Variants in TTN observed in about 807,000 individuals in gnomAD.
TTN encodes the protein titin, also known as connectin.
A neutral mutation model predicts 3,223.0 loss-of-function variants in TTN; 1,525 were observed. The observed-to-expected ratio is 0.47, with a 90% confidence interval of 0.45 to 0.49. The LOEUF (loss-of-function observed/expected upper bound fraction) is 0.49, where lower values mean the gene tolerates loss of function less well. TTN is among the 20% of genes least tolerant of loss of function. The probability of loss-of-function intolerance (pLI) is 0.00; values close to 1 mark genes in which losing one functional copy is unlikely to be tolerated. For missense variants in TTN, 40,786 were observed against 43,424.0 expected (o/e 0.94, Z 5.40); for synonymous variants, 14,094 against 15,161.0 (o/e 0.93, Z 5.17).
At chr2:178,651,569 T>C in intron 206 of TTN, 33 bp from the exon 207 acceptor site, 2 of 1,611,190 alleles carry the variant, frequency 1.2e-6, no homozygotes, top group South Asian at 1.1e-5. Flanking sequence ...TTTAAGCTCA[T>C]GGTTTCAATG....
In TTN at chr2:178,621,095, A is replaced by AACTT. The variant is rs1373938186; in HGVS notation, c.45616+3_45616+6dup. On this transcript the variant is annotated splice_region_variant and intron_variant, in intron 246 of 362. Transcript: ENST00000589042. ...ACAAAAAACCCTAAAAGCAAGAACA[A>AACTT]ACTTACCAATGACTGTCAAGTGAGC... The AACTT allele has an allele frequency of 6.2e-7, 1 of 1,611,030 alleles. No individual in the cohort carries two copies. The highest frequency in any genetic ancestry group is 1.3e-5 in the African/African-American group (1 of 74,736).
At position 178,568,533 on chromosome 2, in the gene TTN, G is replaced by A; in HGVS notation, c.77599C>T (p.Gln25867Ter). The A allele has an allele frequency of 1.2e-6, 2 of 1,613,376 alleles. No individual in the cohort carries two copies. Among genetic ancestry groups the A allele is most frequent in the Non-Finnish European group, 1.7e-6 (2 of 1,179,554 alleles). ...ACATTGGCAACTGTGATTCCATATT[G>A]TCCACCATCATCCTTATGAGTTTCT... The part of the protein sequence containing the change: ...IKETHKDDGG[Q>*]YGITVANVVG... Residue 25867 changes from glutamine (Q) to a stop codon, truncating the protein, a stop_gained, in exon 326 of 363, where the codon CAA (glutamine) becomes TAA (stop). Coordinates refer to ENST00000589042, the MANE Select transcript of TTN (RefSeq NM_001267550.2). LOFTEE classifies it high-confidence loss of function.
In TTN at chr2:178,663,649, C is replaced by G; in HGVS notation, c.36510G>C (p.Glu12170Asp). ...EKKAPVAPPK[E>D]PEVPPVKVPE... ...TACCTTTAACAGGTGGGACTTCAGG[C>G]TCTTTAGGAGGAGCCACTGGCGCTT... is the stretch of plus-strand genomic sequence containing the variant. Residue 12170 changes from glutamate to aspartate, a missense_variant, in exon 171 of 363, where the codon GAG (glutamate) becomes GAC (aspartate). Coordinates refer to ENST00000589042, the MANE Select transcript of TTN (RefSeq NM_001267550.2). The G allele has an allele frequency of 1.2e-6, 2 of 1,613,690 alleles. No individual in the cohort carries two copies. The highest frequency in any genetic ancestry group is 1.1e-5 in the South Asian group (1 of 91,064).
At position 178,664,864 on chromosome 2, in the gene TTN, G is replaced by A; in HGVS notation, c.36106C>T (p.Pro12036Ser). The A allele has an allele frequency of 6.2e-7, 1 of 1,611,492 alleles. No individual in the cohort carries two copies. The highest frequency in any genetic ancestry group is 1.1e-5 in the South Asian group (1 of 90,892). The change falls in exon 166 of 363, where the codon CCA becomes TCA. Residue 12036 changes from proline (P) to serine (S), a missense_variant. Coordinates refer to ENST00000589042, the MANE Select transcript of TTN (RefSeq NM_001267550.2). ...KTVPSKKREPPSVKVPEALQE... is the reference protein window; with the variant it reads ...KTVPSKKREPSSVKVPEALQE... The stretch of plus-strand genomic sequence containing the variant: ...TGGTGACTTGTACCTTTAACTGATG[G>A]GGGTTCTCTTTTTTTGGAAGGAACT...
chr2:178,613,311 G>T, intron 263 of TTN, 35 bp from the exon 264 acceptor site: 2 of 1,485,350 alleles, frequency 1.3e-6, no homozygotes, highest in South Asian at 1.2e-5. Flanking sequence ...GTATCATCAT[G>T]GTAAGAAGCA....
At chr2:178,642,207 C>T (rs376149387) in intron 219 of TTN, 30 bp downstream of exon 219, 148 of 1,537,672 alleles carry the variant, frequency 9.6e-5, no homozygotes, top group Non-Finnish European at 1.2e-4. Context: ...ATATACTTAA[C>T]GCTGACAGAA....
rs2071653794 is a variant in TTN at position 178,689,073 on chromosome 2, T to C, written c.32075A>G (p.Lys10692Arg). The change falls in exon 125 of 363, where the codon AAG becomes AGG. Residue 10692 changes from lysine (K) to arginine (R), a missense_variant. Coordinates refer to ENST00000589042, the MANE Select transcript of TTN (RefSeq NM_001267550.2). ...EKVAVPVPVA[K>R]KAPPPRAEVS... is the part of the protein sequence containing the mutation. Reference sequence around the variant, plus strand: ...CCTACCTCGGGGAGGAGGAGCTTTCTTAGCGACAGGAACTGGCACTGCAAC... The same window carrying C: ...CCTACCTCGGGGAGGAGGAGCTTTCCTAGCGACAGGAACTGGCACTGCAAC... 1 of 1,612,748 alleles carries C rather than the reference T, an allele frequency of 6.2e-7. No individual in the cohort carries two copies. The highest frequency in any genetic ancestry group is 1.3e-5 in the African/African-American group (1 of 74,582).
chr2:178,581,479 CTCCCCCTGG>C lies in TTN; in HGVS notation c.66769+11_66769+19del. 1 of 1,559,578 alleles carries C rather than the reference CTCCCCCTGG, an allele frequency of 6.4e-7. No homozygotes were observed. On this transcript the variant is annotated intron_variant, in intron 316 of 362. Coordinates refer to ENST00000589042, the MANE Select transcript of TTN (RefSeq NM_001267550.2). Reference sequence around the variant, plus strand: ...TGATTAATAGGAAAAGCCTTATGTACTCCCCCTGGTAATACTTACTTAAGATGTCCTTGG... The same window carrying C: ...TGATTAATAGGAAAAGCCTTATGTACTAATACTTACTTAAGATGTCCTTGG...
At position 178,756,225 on chromosome 2, in the gene TTN, C is replaced by T; in HGVS notation, c.11251G>A (p.Gly3751Ser). The change falls in exon 46 of 363, where the codon GGT becomes AGT. Residue 3751 changes from glycine to serine, a missense_variant. By Grantham distance (56) the Gly-to-Ser change is moderately conservative. Coordinates refer to ENST00000589042, the MANE Select transcript of TTN (RefSeq NM_001267550.2). Reference sequence around the variant, plus strand: ...TCATAGCTAAAAATCAATTAACCACCTTCTACACTTAGTACTGCTGACGTT... The same window carrying T: ...TCATAGCTAAAAATCAATTAACCACTTTCTACACTTAGTACTGCTGACGTT... ...RTTSAVLSVE[G>S]APESILHERI... The T allele has an allele frequency of 6.2e-7, 1 of 1,601,980 alleles. No homozygotes were observed. The highest frequency in any genetic ancestry group is 8.5e-7 in the Non-Finnish European group (1 of 1,171,486).
intron 307 of TTN, 74 bp downstream of exon 307, chr2:178,587,044 A>C (rs2049161152): frequency 1.3e-6 from 2 of 1,558,430 alleles, no homozygotes; most frequent in Admixed American, 1.8e-5. Flanking sequence ...AAGTGGATTA[A>C]AATGGTATTA....
At chr2:178,555,285 A>G in intron 330 of TTN, 133 bp from the exon 331 acceptor site, 2 of 857,334 alleles carry the variant, frequency 2.3e-6, no homozygotes, top group Non-Finnish European at 3.5e-6. Context: ...ATTCTATGCA[A>G]TTATTATTTA....
intron 33 of TTN, among the ~76,000 whole-genome samples, chr2:178,771,802 T>A (rs527510233): frequency 6.6e-6 from 1 of 152,330 alleles, no homozygotes; most frequent in African/African-American, 2.4e-5. Context: ...ACTTGGTCTT[T>A]TAATGATTAT....
rs2091855424 is a variant in TTN, at chr2:178,773,695, A to T, written c.7361T>A (p.Val2454Asp). ...AGCCTTGGTGCCTTCAATCACATTAACATCTTTTAGAGGTGTTATCACGTC... is the reference window on the plus strand; with the variant it reads ...AGCCTTGGTGCCTTCAATCACATTATCATCTTTTAGAGGTGTTATCACGTC... ...SVDVITPLKD[V>D]NVIEGTKAVL... The change falls in exon 32 of 363, where the codon GTT (valine) becomes GAT (aspartate). Residue 2454 changes from valine (V) to aspartate (D), a missense_variant. Coordinates refer to ENST00000589042, the MANE Select transcript of TTN (RefSeq NM_001267550.2). The T allele has an allele frequency of 6.2e-7, 1 of 1,614,090 alleles. No homozygotes were observed. The highest frequency in any genetic ancestry group is 1.3e-5 in the African/African-American group (1 of 75,056).
At position 178,543,932 on chromosome 2, in the gene TTN, A is replaced by G. The variant is rs755545981; in HGVS notation, c.96212T>C (p.Ile32071Thr). 5 of 1,613,670 alleles carry G rather than the reference A, an allele frequency of 3.1e-6. No individual in the cohort carries two copies. The highest frequency in any genetic ancestry group is 2.2e-5 in the South Asian group (2 of 91,076). The change falls in exon 346 of 363, where the codon ATA becomes ACA. Residue 32071 changes from isoleucine (I) to threonine (T), a missense_variant. Coordinates refer to ENST00000589042, the MANE Select transcript of TTN (RefSeq NM_001267550.2). Reference sequence around the variant, plus strand: ...ATCGTACCGATTAACTTTGTCCACTATTAGCAATGAGTAGCTCTCAGTGGT... The same window carrying G: ...ATCGTACCGATTAACTTTGTCCACTGTTAGCAATGAGTAGCTCTCAGTGGT... ...IDTTESYSLL[I>T]VDKVNRYDAG...
In TTN at chr2:178,756,434, C is replaced by A; in HGVS notation, c.11042G>T (p.Cys3681Phe). 6.2e-7 allele frequency: 1 copy of A among 1,613,812 alleles called. No individual in the cohort carries two copies. ...VKCGDTAQFLCVLKDDSFIDV... is the reference protein window; with the variant it reads ...VKCGDTAQFLFVLKDDSFIDV... ...AATGAAAGAATCATCTTTTAAAACA[C>A]AGAGGAATTGAGCCGTGTCACCGCA... The change falls in exon 46 of 363, where the codon TGT becomes TTT. Residue 3681 changes from cysteine to phenylalanine, a missense_variant. Coordinates refer to ENST00000589042, the MANE Select transcript of TTN (RefSeq NM_001267550.2).
chr2:178,629,501 A>C, intron 239 of TTN, 58 bp from the exon 240 acceptor site: 1 of 1,605,810 alleles, frequency 6.2e-7, no homozygotes, highest in Non-Finnish European at 8.5e-7. Flanking sequence ...CAAAAGAATA[A>C]ATAGAGACTT....
Position 178,546,077 on chromosome 2 carries a change from A to G in TTN, c.95159T>C (p.Val31720Ala). Residue 31720 changes from valine (V) to alanine (A), a missense_variant, in exon 343 of 363, where the codon GTA becomes GCA. Val to Ala is a moderately conservative substitution (Grantham distance 64, BLOSUM62 0). Transcript: ENST00000589042. ...GGCTAAAGTGCACTTCTCCTGTGTT[A>G]CTCTGCTGACGGTGAGCTTTCCACA... ...GPCGKLTVSR[V>A]TQEKCTLAWS... is the part of the protein sequence containing the mutation. The G allele has an allele frequency of 6.2e-7, 1 of 1,612,478 alleles. No individual in the cohort carries two copies.
Position 178,573,794 on chromosome 2 carries a change from T to G in TTN, c.72338A>C (p.His24113Pro). 1.2e-6 allele frequency: 2 copies of G among 1,610,424 alleles called. No homozygotes were observed. Among genetic ancestry groups the G allele is most frequent in the Non-Finnish European group, 1.7e-6 (2 of 1,177,944 alleles). ...TATNPGGFAKHIFNVKVLDRP... is the reference protein window; with the variant it reads ...TATNPGGFAKPIFNVKVLDRP... ...GTCAAGAACTTTGACATTGAAAATG[T>G]GTTTAGCAAAGCCACCAGGATTAGT... is the stretch of plus-strand genomic sequence containing the variant. The change falls in exon 326 of 363, where the codon CAC becomes CCC. Residue 24113 changes from histidine to proline, a missense_variant. Coordinates refer to ENST00000589042, the MANE Select transcript of TTN (RefSeq NM_001267550.2).
rs1181216377 is a variant in TTN, at chr2:178,794,456, C to T, written c.1341G>A (p.Glu447=). 1.2e-6 allele frequency: 2 copies of T among 1,614,092 alleles called. No individual in the cohort carries two copies. Among genetic ancestry groups the T allele is most frequent in the African/African-American group, 1.3e-5 (1 of 74,936 alleles). ...RVREPVISAV[E]QTAQRTTTTA... ...TCGTGGTTGTCCTCTGAGCAGTCTGCTCTACAGCGCTGATCACTGGTTCTC... is the reference window on the plus strand; with the variant it reads ...TCGTGGTTGTCCTCTGAGCAGTCTGTTCTACAGCGCTGATCACTGGTTCTC... Residue 447 remains glutamate (E), a synonymous_variant, in exon 8 of 363, where the codon GAG becomes GAA. Transcript: ENST00000589042.
Sources: gnomAD v4.1 joint callset for allele counts (sites outside exome capture counted in the v4.1 genomes callset) on GRCh38, gnomAD v4.1.1 for gene constraint, MANE v1.5 for transcripts, NCBI Gene and HGNC (gene_info 2026-07-23, HGNC 2026-07-21) for gene names.